OSBPL9: variants seen among roughly 807,000 people sequenced by gnomAD.
The protein encoded by OSBPL9 is oxysterol binding protein like 9, also known as oxysterol-binding protein-related protein 9.
Under a neutral mutation model 106.6 loss-of-function variants are expected in OSBPL9, and 40 were observed. That is an observed-to-expected ratio of 0.38 (90% CI 0.29 to 0.49). The LOEUF (loss-of-function observed/expected upper bound fraction) is 0.49. Ranked by LOEUF, OSBPL9 falls within the 20% of genes least tolerant of loss-of-function variation. The probability of loss-of-function intolerance (pLI) is 0.97; values close to 1 mark genes in which losing one functional copy is unlikely to be tolerated. For missense variants in OSBPL9, 609 were observed against 887.2 expected (o/e 0.69, Z 3.98); for synonymous variants, 269 against 295.4 (o/e 0.91, Z 0.92).
rs184297292 is a variant in OSBPL9 at position 51,734,938 on chromosome 1, T to C, written c.319-10598T>C. Among the ~76,000 whole-genome samples, 12 of 152,342 alleles carry C rather than the reference T, an allele frequency of 7.9e-5. No individual in the cohort carries two copies. In the East Asian group the frequency reaches 2.3e-3, roughly 29 times the overall value. ...TACATTCTTCTGTAACAGAATATTG[T>C]TCCTCAGTTGGCCTCCTTGTGCTTC... On this transcript the variant is annotated intron_variant, in intron 4 of 23. Coordinates refer to ENST00000428468, the MANE Select transcript of OSBPL9 (RefSeq NM_024586.6).
At chr1:51,550,078 T>C in the OSBPL9 span, among the ~76,000 whole-genome samples, 1 of 152,212 alleles carries the variant, frequency 6.6e-6, no homozygotes, top group Admixed American at 6.5e-5. Context: ...CCTTACTAGC[T>C]GTTTAACCTT....
chr1:51,766,398 A>G (rs915099365), intron 12 of OSBPL9, among the ~76,000 whole-genome samples: 16 of 152,188 alleles, frequency 1.1e-4, no homozygotes, highest in African/African-American at 1.4e-4. Flanking sequence ...ATTAGAGTGG[A>G]AATATTCAAC....
intron 9 of OSBPL9, among the ~76,000 whole-genome samples, chr1:51,757,569 T>C (rs1239634534): frequency 6.6e-6 from 1 of 151,904 alleles, no homozygotes; most frequent in African/African-American, 2.4e-5. Flanking sequence ...CAAAAACACT[T>C]GATCATTTGC....
chr1:51,520,397 C>G, the OSBPL9 span, among the ~76,000 whole-genome samples: 4 of 152,208 alleles, frequency 2.6e-5, no homozygotes, highest in Non-Finnish European at 5.9e-5. Context: ...TCTAGGAACT[C>G]CACACCCCAC....
chr1:51,697,719 C>T (rs1048783288), intron 3 of OSBPL9, among the ~76,000 whole-genome samples: 8 of 150,624 alleles, frequency 5.3e-5, no homozygotes, highest in Non-Finnish European at 1.0e-4. Context: ...TATTCTTATT[C>T]AAATGTGTAT....
At chr1:51,710,754 A>G (rs183179197) in intron 3 of OSBPL9, among the ~76,000 whole-genome samples, 2 of 152,254 alleles carry the variant, frequency 1.3e-5, no homozygotes, top group East Asian at 3.9e-4. Context: ...TGTTTCTTTG[A>G]AAGTAACCTG....
chr1:51,583,685 C>T (rs956259517), intron 1 of OSBPL9: 3 of 152,290 alleles, frequency 2.0e-5, no homozygotes, highest in African/African-American at 7.2e-5. Context: ...CAGACAGTCT[C>T]AATCACTTAT....
intron 4 of OSBPL9, among the ~76,000 whole-genome samples, chr1:51,731,570 G>A (rs1196738050): frequency 6.6e-6 from 1 of 151,938 alleles, no homozygotes; most frequent in Non-Finnish European, 1.5e-5. Context: ...TGAGGTCAGG[G>A]GTTCGAGACC....
chr1:51,680,115 G>A (rs1269091121), intron 3 of OSBPL9, among the ~76,000 whole-genome samples: 1 of 151,998 alleles, frequency 6.6e-6, no homozygotes, highest in Non-Finnish European at 1.5e-5. Flanking sequence ...TTAGCCATGT[G>A]TCGTGGCTTG....
chr1:51,585,459 G>C (rs1018704801), intron 1 of OSBPL9, among the ~76,000 whole-genome samples: 1 of 152,096 alleles, frequency 6.6e-6, no homozygotes, highest in Non-Finnish European at 1.5e-5. Context: ...GGTTACTTAA[G>C]GCATCAGGTA....
the OSBPL9 span, among the ~76,000 whole-genome samples, chr1:51,540,583 G>A: frequency 2.6e-5 from 4 of 151,936 alleles, no homozygotes. Context: ...GAACCTGGGA[G>A]GTGGAGGTTG....
At chr1:51,662,553 A>G (rs556129021) in intron 2 of OSBPL9, among the ~76,000 whole-genome samples, 1 of 152,266 alleles carries the variant, frequency 6.6e-6, no homozygotes, top group South Asian at 2.1e-4. Context: ...TGGGAGTCCT[A>G]GCCAATGAAT....
intron 4 of OSBPL9, among the ~76,000 whole-genome samples, chr1:51,742,913 C>G (rs1375344234): frequency 6.6e-6 from 1 of 152,096 alleles, no homozygotes; most frequent in African/African-American, 2.4e-5. Flanking sequence ...TAAGACAAGA[C>G]TAGATGACTT....
At chr1:51,555,592 G>A in the OSBPL9 span, among the ~76,000 whole-genome samples, 2 of 152,066 alleles carry the variant, frequency 1.3e-5, no homozygotes, top group East Asian at 3.8e-4. Context: ...TTTTGAGAGG[G>A]AGTCTTGCTC....
At chr1:51,587,946 G>C (rs1387864370) in intron 1 of OSBPL9, among the ~76,000 whole-genome samples, 1 of 152,100 alleles carries the variant, frequency 6.6e-6, no homozygotes, top group African/African-American at 2.4e-5. Context: ...CCCCTCCTTG[G>C]CTTCCCAACT....
intron 3 of OSBPL9, among the ~76,000 whole-genome samples, chr1:51,711,400 G>T (rs1411603229): frequency 6.8e-6 from 1 of 147,744 alleles, no homozygotes; most frequent in East Asian, 2.0e-4. Context: ...TTACTTCCCA[G>T]TAGGGGCGGC....
chr1:51,529,545 A>G, the OSBPL9 span, among the ~76,000 whole-genome samples: 1 of 151,912 alleles, frequency 6.6e-6, no homozygotes, highest in Non-Finnish European at 1.5e-5. Context: ...ACTTACTACA[A>G]AGGTATAGTA....
At chr1:51,521,082 A>G in the OSBPL9 span, among the ~76,000 whole-genome samples, 1 of 152,238 alleles carries the variant, frequency 6.6e-6, no homozygotes, top group Non-Finnish European at 1.5e-5. Context: ...GAGGTAATGC[A>G]GGGTCACAGA....
At chr1:51,745,391 CTG>C in intron 4 of OSBPL9, 143 bp from the exon 5 acceptor site, 1 of 1,194,374 alleles carries the variant, frequency 8.4e-7, no homozygotes, top group South Asian at 1.6e-5. Flanking sequence ...ATAGACCTAA[CTG>C]TTAAATAGAC....
Sources: gnomAD v4.1 joint callset for allele counts (sites outside exome capture counted in the v4.1 genomes callset) on GRCh38, gnomAD v4.1.1 for gene constraint, MANE v1.5 for transcripts, NCBI Gene and HGNC (gene_info 2026-07-23, HGNC 2026-07-21) for gene names.